Variants in BIRC6 observed in about 807,000 individuals in gnomAD.
BIRC6 encodes the protein baculoviral IAP repeat containing 6.
In BIRC6, 98 loss-of-function variants were observed where a neutral mutation model predicts 503.3. The ratio of observed to expected loss-of-function variants is 0.19; its 90% confidence interval spans 0.17 to 0.23. The LOEUF is 0.23. Ranked by LOEUF, BIRC6 falls within the 10% of genes least tolerant of loss-of-function variation. The pLI is 1.00. For synonymous variants in BIRC6, 2,240 were observed against 2,078.7 expected (o/e 1.08, Z -2.11); for missense variants, 5,360 against 5,806.0 (o/e 0.92, Z 2.50).
At chr2:32,450,403 A>G (rs1411969550) in intron 22 of BIRC6, among the ~76,000 whole-genome samples, 1 of 152,076 alleles carries the variant, frequency 6.6e-6, no homozygotes, top group Non-Finnish European at 1.5e-5. Context: ...CAGAGCTTGC[A>G]GTGAGCTGAG....
chr2:32,559,868 T>G (rs992570407), intron 65 of BIRC6, among the ~76,000 whole-genome samples: 11 of 151,932 alleles, frequency 7.2e-5, no homozygotes, highest in African/African-American at 2.7e-4. Context: ...ACAAAAAAAT[T>G]AGCCAGGTGT....
Position 32,515,111 on chromosome 2 carries a change from A to T in BIRC6, c.10690A>T (p.Met3564Leu), listed in dbSNP as rs368837492. 3.7e-6 allele frequency: 6 copies of T among 1,613,936 alleles called. No individual in the cohort carries two copies. The highest frequency in any genetic ancestry group is 5.1e-6 in the Non-Finnish European group (6 of 1,179,878). ...CTATTTTTCTTTGCTCATGGGCTGG[A>T]TGGGAATTACCCCTCCTCCAGTGCA... ...PNYFSLLMGW[M>L]GITPPPVQCH... The change falls in exon 55 of 74, where the codon ATG becomes TTG. Residue 3564 changes from methionine to leucine, a missense_variant. By Grantham distance (15) the Met-to-Leu change is conservative. This residue lies in a region of BIRC6 where 878 missense variants were observed against 928.9 expected (regional missense o/e 0.95). Coordinates refer to ENST00000421745, the MANE Select transcript of BIRC6 (RefSeq NM_016252.4).
intron 45 of BIRC6, among the ~76,000 whole-genome samples, chr2:32,495,545 T>A (rs2052336890): frequency 6.6e-6 from 1 of 152,216 alleles, no homozygotes; most frequent in Non-Finnish European, 1.5e-5. Context: ...TTGCAAATAC[T>A]ATCTATTGGT....
chr2:32,443,415 G>A, intron 19 of BIRC6, 76 bp from the exon 20 acceptor site: 5 of 956,490 alleles, frequency 5.2e-6, no homozygotes, highest in South Asian at 1.6e-5. Flanking sequence ...AGATTTTTAG[G>A]TACCACACCA....
chr2:32,392,235 G>T, intron 5 of BIRC6, 85 bp downstream of exon 5: 1 of 1,000,558 alleles, frequency 1.0e-6, no homozygotes. Flanking sequence ...AACTTTTTCA[G>T]AAACTTATTT....
chr2:32,617,627 C>T, intron 73 of BIRC6, 98 bp from the exon 74 acceptor site: 2 of 1,277,028 alleles, frequency 1.6e-6, no homozygotes, highest in South Asian at 1.5e-5. Context: ...TATTTGTAGG[C>T]TTAATGCTTT....
At chr2:32,514,299 A>G (rs2054776698) in intron 54 of BIRC6, among the ~76,000 whole-genome samples, 1 of 152,140 alleles carries the variant, frequency 6.6e-6, no homozygotes, top group Non-Finnish European at 1.5e-5. Context: ...CACTGCAGCC[A>G]GGGCAACAGA....
chr2:32,532,279 TGAG>T (rs1245988857), intron 61 of BIRC6: 3 of 491,626 alleles, frequency 6.1e-6, no homozygotes, highest in African/African-American at 4.0e-5. Flanking sequence ...TCTCAATAGT[TGAG>T]GAGGCTGTAA....
intron 10 of BIRC6, among the ~76,000 whole-genome samples, chr2:32,424,765 G>GC (rs2043304217): frequency 6.6e-6 from 1 of 151,946 alleles, no homozygotes; most frequent in Non-Finnish European, 1.5e-5. Flanking sequence ...CTCCCACCTC[G>GC]CCCACCCAAC....
At chr2:32,422,862 A>T (rs535765512) in intron 10 of BIRC6, among the ~76,000 whole-genome samples, 11 of 152,134 alleles carry the variant, frequency 7.2e-5, no homozygotes, top group Non-Finnish European at 1.0e-4. Flanking sequence ...CTGTCAGTGG[A>T]CATCTTGTTT....
At chr2:32,475,518 TGTG>T (rs1272484851) in intron 33 of BIRC6, among the ~76,000 whole-genome samples, 1 of 152,208 alleles carries the variant, frequency 6.6e-6, no homozygotes, top group Non-Finnish European at 1.5e-5. Flanking sequence ...TATTGACTGT[TGTG>T]GATACATGAA....
intron 45 of BIRC6, 68 bp from the exon 46 acceptor site, chr2:32,499,479 T>A: frequency 7.4e-7 from 1 of 1,359,890 alleles, no homozygotes; most frequent in Non-Finnish European, 9.8e-7. Flanking sequence ...CGTTTAATTT[T>A]TAATCCTTTC....
Position 32,529,768 on chromosome 2 carries a change from T to C in BIRC6, c.12038T>C (p.Ile4013Thr), listed in dbSNP as rs749642297. The change falls in exon 60 of 74, where the codon ATA becomes ACA. Residue 4013 changes from isoleucine to threonine, a missense_variant. By Grantham distance (89) the Ile-to-Thr change is moderately conservative (BLOSUM62 -1). Coordinates refer to ENST00000421745, the MANE Select transcript of BIRC6 (RefSeq NM_016252.4). The part of the protein sequence containing the change: ...DLTVKLGSRV[I>T]TDPSLSKTDS... ...ACTGTTAAATTGGGATCAAGAGTTATAACAGACCCCAGTCTATCAAAAACA... is the reference window on the plus strand; with the variant it reads ...ACTGTTAAATTGGGATCAAGAGTTACAACAGACCCCAGTCTATCAAAAACA... 23 of 1,613,432 alleles carry C rather than the reference T, an allele frequency of 1.4e-5. No homozygotes were observed. The highest frequency in any genetic ancestry group is 1.6e-4 in the Middle Eastern group (1 of 6,080).
chr2:32,511,201 C>CTTTTTTTTTTTTTTTTTTTTTTTTTTT, intron 53 of BIRC6, among the ~76,000 whole-genome samples: 1 of 48,582 alleles, frequency 2.1e-5, no homozygotes, highest in African/African-American at 8.9e-5. Context: ...CTTTTCTTTT[C>CTTTTTTTTTTTTTTTTTTTTTTTTTTT]TTTTTTTTTT....
At chr2:32,418,221 C>T (rs901411543) in intron 10 of BIRC6, among the ~76,000 whole-genome samples, 1 of 152,178 alleles carries the variant, frequency 6.6e-6, no homozygotes, top group East Asian at 1.9e-4. Flanking sequence ...TTGAGAATTT[C>T]AGAACAACCA....
chr2:32,533,958 A>C (rs576019677), intron 61 of BIRC6, among the ~76,000 whole-genome samples: 1 of 152,336 alleles, frequency 6.6e-6, no homozygotes, highest in South Asian at 2.1e-4. Flanking sequence ...CTGTAGTTGT[A>C]ATGCCTTTGT....
chr2:32,427,347 ATCTCAGCTCACTGCAACCTCTGCCTCCC>A (rs1558693553), intron 10 of BIRC6, among the ~76,000 whole-genome samples: 4 of 151,822 alleles, frequency 2.6e-5, no homozygotes, highest in Non-Finnish European at 5.9e-5. Context: ...CAGTGGCGCT[ATCTCAGCTCACTGCAACCTCTGCCTCCC>A]GGGTTCAAGC....
chr2:32,484,618 C>G (rs765298020), intron 39 of BIRC6, among the ~76,000 whole-genome samples: 2 of 150,976 alleles, frequency 1.3e-5, no homozygotes, highest in Non-Finnish European at 3.0e-5. Flanking sequence ...CAGTTTTGAA[C>G]GGACTCATGG....
intron 61 of BIRC6, among the ~76,000 whole-genome samples, chr2:32,532,846 T>A (rs1319245757): frequency 6.6e-6 from 1 of 152,180 alleles, no homozygotes; most frequent in East Asian, 1.9e-4. Context: ...TTTTTCTAAT[T>A]TAGTATTCAG....
Sources: gnomAD v4.1 joint callset for allele counts (sites outside exome capture counted in the v4.1 genomes callset) on GRCh38, gnomAD v4.1.1 for gene constraint, gnomAD v4.1.1 regional missense constraint, MANE v1.5 for transcripts, NCBI Gene and HGNC (gene_info 2026-07-23, HGNC 2026-07-21) for gene names.